The following ADORA2B variants were observed in gnomAD, a reference collection of about 807,000 sequenced individuals.
The protein encoded by ADORA2B is adenosine receptor A2b.
ADORA2B carries 18 observed loss-of-function variants against 20.8 expected under a neutral mutation model. The ratio of observed to expected loss-of-function variants is 0.87; its 90% CI spans 0.60 to 1.29. The LOEUF is 1.29. Ranked by LOEUF, ADORA2B falls within the 50% of genes most tolerant of loss-of-function variation. ADORA2B has a pLI of 0.00. For synonymous variants in ADORA2B, 179 were observed against 178.3 expected (o/e 1.00, Z -0.03); for missense variants, 441 against 422.7 (o/e 1.04, Z -0.38).
intron 1 of ADORA2B, among the ~76,000 whole-genome samples, chr17:15,949,741 C>G (rs1277016670): frequency 6.6e-6 from 1 of 152,090 alleles, no homozygotes; most frequent in Non-Finnish European, 1.5e-5. Context: ...CGTGGTGGCA[C>G]GCGCCTGTAA....
the ADORA2B span, among the ~76,000 whole-genome samples, chr17:15,878,026 G>A: frequency 6.6e-6 from 1 of 152,072 alleles, no homozygotes; most frequent in African/African-American, 2.4e-5. Context: ...CCTTTCTGTG[G>A]TTTCGTGGGG....
chr17:15,901,636 G>T, the ADORA2B span, among the ~76,000 whole-genome samples: 3 of 152,108 alleles, frequency 2.0e-5, no homozygotes, highest in African/African-American at 7.2e-5. Context: ...GGGAAACTGA[G>T]GCACACAGCT....
At position 15,975,007 on chromosome 17, in the gene ADORA2B, T is replaced by G; in HGVS notation, c.664T>G (p.Ser222Ala). The change falls in exon 2 of 2, where the codon TCG becomes GCG. Residue 222 changes from serine (S) to alanine (A), a missense_variant. By Grantham distance (99) the Ser-to-Ala change is moderately conservative. Coordinates refer to ENST00000304222, the MANE Select transcript of ADORA2B (RefSeq NM_000676.4). ...QLQRTELMDH[S>A]RTTLQREIHA... ...TCAGCGCACTGAGCTGATGGACCAC[T>G]CGAGGACCACCCTCCAGCGGGAGAT... is the stretch of plus-strand genomic sequence containing the variant. The G allele has an allele frequency of 1.2e-6, 2 of 1,614,178 alleles. No individual in the cohort carries two copies. Among genetic ancestry groups the G allele is most frequent in the Non-Finnish European group, 1.7e-6 (2 of 1,180,034 alleles).
intron 1 of ADORA2B, among the ~76,000 whole-genome samples, chr17:15,949,181 T>A (rs955320160): frequency 6.9e-6 from 1 of 144,778 alleles, no homozygotes; most frequent in African/African-American, 2.6e-5. Flanking sequence ...GCACTCCACC[T>A]TGGGCAACAA....
chr17:15,892,207 C>T, the ADORA2B span, among the ~76,000 whole-genome samples: 3 of 151,686 alleles, frequency 2.0e-5, no homozygotes, highest in Non-Finnish European at 2.9e-5. Context: ...TCACTCTTGT[C>T]GCCCAGGCTG....
At chr17:15,874,299 G>T in the ADORA2B span, among the ~76,000 whole-genome samples, 18 of 151,506 alleles carry the variant, frequency 1.2e-4, no homozygotes, top group Non-Finnish European at 2.1e-4. Flanking sequence ...AGAGTGGTAT[G>T]GTAGACTTTA....
chr17:15,881,393 G>A, the ADORA2B span, among the ~76,000 whole-genome samples: 27 of 152,156 alleles, frequency 1.8e-4, no homozygotes, highest in Non-Finnish European at 3.4e-4. Context: ...GAGCCACCAC[G>A]CCCGGCCTCT....
chr17:15,884,781 TG>T, the ADORA2B span, among the ~76,000 whole-genome samples: 82 of 152,350 alleles, frequency 5.4e-4, no homozygotes, highest in African/African-American at 1.8e-3. Flanking sequence ...TAGAATTCCA[TG>T]GTGTATATGT....
At chr17:15,869,302 A>G in the ADORA2B span, among the ~76,000 whole-genome samples, 2 of 151,546 alleles carry the variant, frequency 1.3e-5, no homozygotes, top group African/African-American at 4.8e-5. Flanking sequence ...CCTGGGTGAC[A>G]GAACGAGACT....
the ADORA2B span, among the ~76,000 whole-genome samples, chr17:15,863,507 A>T: frequency 2.6e-5 from 4 of 151,374 alleles, no homozygotes; most frequent in Non-Finnish European, 5.9e-5. Flanking sequence ...TACCATGCCC[A>T]GCTTATTTAT....
chr17:15,858,217 C>CT, the ADORA2B span, among the ~76,000 whole-genome samples: 1 of 152,102 alleles, frequency 6.6e-6, no homozygotes, highest in Non-Finnish European at 1.5e-5. Flanking sequence ...ATTGTACGCT[C>CT]TCATGAACAG....
At chr17:15,908,599 T>C in the ADORA2B span, 4 of 193,558 alleles carry the variant, frequency 2.1e-5, 1 homozygote, top group Non-Finnish European at 4.6e-5. Flanking sequence ...TGATGCAGTA[T>C]GTGGCCCAAA....
At chr17:15,943,281 G>T (rs555741545), upstream of ADORA2B, among the ~76,000 whole-genome samples, 1 of 152,246 alleles carries the variant, frequency 6.6e-6, no homozygotes, top group African/African-American at 2.4e-5. Flanking sequence ...TGCAAGGGCA[G>T]ATGTGACTGT....
At chr17:15,865,194 G>GT in the ADORA2B span, among the ~76,000 whole-genome samples, 1 of 152,158 alleles carries the variant, frequency 6.6e-6, no homozygotes, top group Non-Finnish European at 1.5e-5. Flanking sequence ...ATAAGTTTAA[G>GT]TTTTTTGTGC....
chr17:15,948,332 G>T lies in ADORA2B; in HGVS notation c.335+2749G>T, dbSNP rs1052373012. The stretch of plus-strand genomic sequence containing the variant: ...GGCCCTTTGCCTTCAGGACAGGGCT[G>T]GCCACAAACAGAAGTCCATTGCCTC... On this transcript the variant is annotated intron_variant, in intron 1 of 1. Coordinates refer to ENST00000304222, the MANE Select transcript of ADORA2B (RefSeq NM_000676.4). 1.0e-3 allele frequency among the ~76,000 whole-genome samples: 6 copies of T among 5,724 alleles called. No homozygotes were observed. In the Non-Finnish European group the frequency reaches 0.016, roughly 16 times the overall value. The allele number at this position is 5,724 out of a possible 152,430, so 3.8% of individuals were successfully genotyped here.
the ADORA2B span, among the ~76,000 whole-genome samples, chr17:15,892,412 A>G: frequency 2.0e-5 from 3 of 151,468 alleles, no homozygotes; most frequent in East Asian, 3.9e-4. Flanking sequence ...CAGGTGATCC[A>G]CCCGCCTTGG....
At position 15,947,284 on chromosome 17, in the gene ADORA2B, G is replaced by C. The variant is rs79036042; in HGVS notation, c.335+1701G>C. Among the ~76,000 whole-genome samples the C allele has an allele frequency of 2.6e-3, 401 of 152,336 alleles. 8 individuals are homozygous for C. Among genetic ancestry groups the C allele is most frequent in the Admixed American group, 0.018 (276 of 15,292 alleles). On this transcript the variant is annotated intron_variant, in intron 1 of 1. Transcript: ENST00000304222. The stretch of plus-strand genomic sequence containing the variant: ...GCAGAGCAGTCACAAGCCCCAGCCT[G>C]AGTTGTCCATCTAATGGAAACCCCT...
rs760665957 is a variant in ADORA2B, at chr17:15,975,206, T to C, written c.863T>C (p.Ile288Thr). Reference sequence around the variant, plus strand: ...CATGCCAATTCAGTTGTCAATCCCATTGTCTATGCTTACCGGAACCGAGAC... The same window carrying C: ...CATGCCAATTCAGTTGTCAATCCCACTGTCTATGCTTACCGGAACCGAGAC... ...LSHANSVVNP[I>T]VYAYRNRDFR... Residue 288 changes from isoleucine to threonine, a missense_variant, in exon 2 of 2, where the codon ATT becomes ACT. By Grantham distance (89) the Ile-to-Thr change is moderately conservative. Transcript: ENST00000304222. 6.2e-7 allele frequency: 1 copy of C among 1,614,108 alleles called. No individual in the cohort carries two copies. The highest frequency in any genetic ancestry group is 8.5e-7 in the Non-Finnish European group (1 of 1,180,036).
intron 1 of ADORA2B, among the ~76,000 whole-genome samples, chr17:15,946,231 C>A (rs1969803989): frequency 6.6e-6 from 1 of 152,234 alleles, no homozygotes; most frequent in Admixed American, 6.5e-5. Context: ...AAAGGAGTTA[C>A]AATGCTTCCT....
Sources: allele counts gnomAD v4.1 joint callset (sites outside exome capture counted in the v4.1 genomes callset), GRCh38; gene constraint gnomAD v4.1.1; transcripts MANE v1.5; gene names NCBI Gene and HGNC (gene_info 2026-07-23, HGNC 2026-07-21).